Variants in GCNT2 observed in about 807,000 individuals in gnomAD.
The protein encoded by GCNT2 is glucosaminyl (N-acetyl) transferase 2 (I blood group), also known as N-acetyllactosaminide beta-1,6-N-acetylglucosaminyl-transferase.
Under a neutral mutation model 34.2 loss-of-function variants are expected in GCNT2, and 34 were observed. The observed-to-expected ratio is 1.00, with a 90% CI of 0.76 to 1.32. GCNT2 has a LOEUF of 1.32. GCNT2 is among the 40% of genes most tolerant of loss of function. GCNT2 has a pLI of 0.00. For missense variants in GCNT2, 584 were observed against 489.4 expected (o/e 1.19, Z -1.82); for synonymous variants, 212 against 188.0 (o/e 1.13, Z -1.04).
In GCNT2 at chr6:10,579,490, TCTATAAGTACTAGAGA is replaced by T. The variant is rs575449905; in HGVS notation, c.926-41860_926-41845del. Among the ~76,000 whole-genome samples, 13 of 152,276 alleles carry T rather than the reference TCTATAAGTACTAGAGA, an allele frequency of 8.5e-5. No homozygotes were observed. In the South Asian group the frequency reaches 2.5e-3, roughly 29 times the overall value. Reference sequence around the variant, plus strand: ...TTCATAGACATTAACTTGTTTGATCTCTATAAGTACTAGAGATATTGATCTAGTAAAGTAATAAAAT... The same window carrying T: ...TTCATAGACATTAACTTGTTTGATCTTATTGATCTAGTAAAGTAATAAAAT... On this transcript the variant is annotated intron_variant, in intron 3 of 4. Transcript: ENST00000495262.
chr6:10,581,397 C>T (rs1470462837), intron 3 of GCNT2, among the ~76,000 whole-genome samples: 1 of 151,986 alleles, frequency 6.6e-6, no homozygotes, highest in African/African-American at 2.4e-5. Flanking sequence ...CATCCTCCCT[C>T]GTAGCTGGGA....
chr6:10,550,883 A>G (rs917247254), intron 3 of GCNT2, among the ~76,000 whole-genome samples: 4 of 152,234 alleles, frequency 2.6e-5, no homozygotes, highest in African/African-American at 9.6e-5. Context: ...GAGATGTAAA[A>G]GTAAAGTTTG....
intron 3 of GCNT2, among the ~76,000 whole-genome samples, chr6:10,589,283 AGT>A (rs559380349): frequency 1.9e-3 from 188 of 99,340 alleles, no homozygotes; most frequent in Non-Finnish European, 2.1e-3. Flanking sequence ...GTGTGTTTCT[AGT>A]GTGTGTGGTG....
At chr6:10,548,903 C>T (rs887231348) in intron 3 of GCNT2, among the ~76,000 whole-genome samples, 3 of 152,118 alleles carry the variant, frequency 2.0e-5, no homozygotes, top group Non-Finnish European at 4.4e-5. Context: ...GGATTACAGG[C>T]GCATGCCACC....
At chr6:10,610,065 G>T (rs536238966) in intron 3 of GCNT2, among the ~76,000 whole-genome samples, 126 of 152,338 alleles carry the variant, frequency 8.3e-4, no homozygotes, top group Middle Eastern at 3.4e-3. Context: ...AGACCCACTG[G>T]CAGGCAATTA....
intron 3 of GCNT2, among the ~76,000 whole-genome samples, chr6:10,539,182 T>C (rs78230512): frequency 4.8e-5 from 5 of 105,182 alleles, no homozygotes; most frequent in East Asian, 2.4e-4. Context: ...CACCGTCTCT[T>C]TTTTTTTTTT....
chr6:10,617,050 G>T (rs1005071999), intron 3 of GCNT2, among the ~76,000 whole-genome samples: 1 of 152,236 alleles, frequency 6.6e-6, no homozygotes, highest in Non-Finnish European at 1.5e-5. Flanking sequence ...GTCCCACTCC[G>T]TGCGCCTGCA....
intron 3 of GCNT2, among the ~76,000 whole-genome samples, chr6:10,607,700 TGGG>T (rs1217620673): frequency 9.0e-6 from 1 of 111,002 alleles, no homozygotes; most frequent in Non-Finnish European, 2.4e-5. Flanking sequence ...TACAGACATT[TGGG>T]GGGTCTTATT....
At chr6:10,531,638 A>C (rs975640538) in intron 3 of GCNT2, among the ~76,000 whole-genome samples, 2 of 152,194 alleles carry the variant, frequency 1.3e-5, no homozygotes, top group African/African-American at 4.8e-5. Context: ...CAGAGCCAGA[A>C]GGGGAAGTAT....
At chr6:10,591,324 A>G (rs1581456354) in intron 3 of GCNT2, among the ~76,000 whole-genome samples, 1 of 152,318 alleles carries the variant, frequency 6.6e-6, no homozygotes, top group South Asian at 2.1e-4. Flanking sequence ...GGCAGAACCT[A>G]TGAAAGTGTA....
chr6:10,614,652 A>C (rs1027605194), intron 3 of GCNT2, among the ~76,000 whole-genome samples: 1 of 151,290 alleles, frequency 6.6e-6, no homozygotes. Flanking sequence ...AAAAGAGAAA[A>C]AGAAGAAAGG....
chr6:10,615,776 G>T (rs544298894), intron 3 of GCNT2, among the ~76,000 whole-genome samples: 2 of 152,308 alleles, frequency 1.3e-5, no homozygotes, highest in South Asian at 4.1e-4. Context: ...ACTAAACAAG[G>T]AGTGGATTAT....
intron 3 of GCNT2, among the ~76,000 whole-genome samples, chr6:10,563,889 C>T (rs993932930): frequency 2.0e-5 from 3 of 148,062 alleles, no homozygotes. Context: ...GGAGGTAGCA[C>T]ATGTTATCCG....
rs192492213 is a variant in GCNT2, at chr6:10,622,579, A to G, written c.1018+1136A>G. On this transcript the variant is annotated intron_variant, in intron 4 of 4. Coordinates refer to ENST00000495262, the MANE Select transcript of GCNT2 (RefSeq NM_145649.5). ...CTGAGACACTCAGTGTTAGGATTCA[A>G]CATATGAATTTAGAGAGACAAACAA... Among the ~76,000 whole-genome samples the G allele has an allele frequency of 1.4e-4, 21 of 152,116 alleles. No homozygotes were observed. The East Asian group carries it at 3.7e-3, about 27-fold the overall frequency.
intron 3 of GCNT2, among the ~76,000 whole-genome samples, chr6:10,540,917 G>A (rs1327340815): frequency 6.6e-6 from 1 of 152,084 alleles, no homozygotes. Flanking sequence ...TTGGGAGTGT[G>A]GTCTGCCTTT....
chr6:10,554,380 A>G (rs758931382), intron 3 of GCNT2, among the ~76,000 whole-genome samples: 1 of 152,206 alleles, frequency 6.6e-6, no homozygotes, highest in Non-Finnish European at 1.5e-5. Flanking sequence ...AGTATTACGA[A>G]CATTCCTAAT....
At chr6:10,593,226 G>A (rs34287835) in intron 3 of GCNT2, among the ~76,000 whole-genome samples, 16,720 of 152,178 alleles carry the variant, frequency 0.11, 1,101 homozygotes, top group Middle Eastern at 0.16. Context: ...GAAAGGATGA[G>A]CATTCTTTCT....
chr6:10,583,436 G>T (rs1373409656), intron 3 of GCNT2, among the ~76,000 whole-genome samples: 1 of 152,108 alleles, frequency 6.6e-6, no homozygotes, highest in African/African-American at 2.4e-5. Context: ...AACATGCCTC[G>T]TGTGGCTGCC....
intron 3 of GCNT2, among the ~76,000 whole-genome samples, chr6:10,589,733 CT>C (rs1293751508): frequency 1.7e-4 from 26 of 152,226 alleles, no homozygotes; most frequent in African/African-American, 6.3e-4. Context: ...TCCAGAGGTA[CT>C]TTATTATGTT....
Sources: allele counts gnomAD v4.1 joint callset (sites outside exome capture counted in the v4.1 genomes callset), GRCh38; gene constraint gnomAD v4.1.1; transcripts MANE v1.5; gene names NCBI Gene and HGNC (gene_info 2026-07-23, HGNC 2026-07-21).